The following BRINP1 variants were observed in gnomAD, a reference collection of about 807,000 sequenced individuals.
BRINP1 encodes BMP/retinoic acid-inducible neural-specific protein 1.
A neutral mutation model predicts 72.9 loss-of-function variants in BRINP1; 17 were observed. The ratio of observed to expected loss-of-function variants is 0.23; its 90% CI spans 0.16 to 0.35. BRINP1 has a LOEUF of 0.35. Among genes scored for constraint, BRINP1 ranks in the 10% least tolerant of loss-of-function variants. The pLI is 1.00. For synonymous variants in BRINP1, 418 were observed against 378.5 expected, an observed-to-expected ratio of 1.10 and a Z score of -1.21; for missense variants, 850 against 1,001.6, an observed-to-expected ratio of 0.85 and a Z score of 2.04.
rs537123226 is a variant in BRINP1 at position 119,263,708 on chromosome 9, C to T, written c.219-14558G>A. Among the ~76,000 whole-genome samples the T allele has an allele frequency of 3.1e-3, 414 of 133,054 alleles. 2 individuals carry two copies. Among genetic ancestry groups the T allele is most frequent in the African/African-American group, 0.011 (392 of 36,226 alleles). 87.3% of individuals were successfully genotyped at this position (133,054 alleles called of 152,430 possible). Reference sequence around the variant, plus strand: ...CTGCAAACTCCGCCTCCTGGGTTCACGCCATTCTCCTGCCTCAGCCTCCCA... The same window carrying T: ...CTGCAAACTCCGCCTCCTGGGTTCATGCCATTCTCCTGCCTCAGCCTCCCA... On this transcript the variant is annotated intron_variant, in intron 2 of 7. Coordinates refer to ENST00000265922, the MANE Select transcript of BRINP1 (RefSeq NM_014618.3).
intron 2 of BRINP1, chr9:119,283,133 T>G (rs920479831): frequency 1.0e-6 from 1 of 984,918 alleles, no homozygotes; most frequent in Non-Finnish European, 1.2e-6. Context: ...TCTCACCGGC[T>G]GTGGTTGTAA....
chr9:119,289,873 A>C (rs1300719389), intron 2 of BRINP1, among the ~76,000 whole-genome samples: 1 of 152,228 alleles, frequency 6.6e-6, no homozygotes, highest in Non-Finnish European at 1.5e-5. Context: ...ATTTCTCGGA[A>C]GATGCACGAC....
chr9:119,269,219 C>G (rs1433465363), intron 2 of BRINP1, among the ~76,000 whole-genome samples: 1 of 152,138 alleles, frequency 6.6e-6, no homozygotes, highest in Non-Finnish European at 1.5e-5. Flanking sequence ...TCTCATGACC[C>G]TAAATCACTA....
chr9:119,317,766 C>T (rs1831140166), intron 1 of BRINP1, among the ~76,000 whole-genome samples: 1 of 152,208 alleles, frequency 6.6e-6, no homozygotes, highest in Non-Finnish European at 1.5e-5. Flanking sequence ...AACCTGACCA[C>T]CCTGATCAGT....
At chr9:119,168,251 GGTTAGCTACC>G in intron 7 of BRINP1, 27 bp from the exon 8 acceptor site, 1 of 1,476,112 alleles carries the variant, frequency 6.8e-7, no homozygotes, top group Non-Finnish European at 9.0e-7. Context: ...AATTGGAGAA[GGTTAGCTACC>G]ATGAGTGGGT....
chr9:119,202,979 G>C (rs1238989345), intron 7 of BRINP1, among the ~76,000 whole-genome samples: 1 of 152,066 alleles, frequency 6.6e-6, no homozygotes, highest in African/African-American at 2.4e-5. Context: ...GTCTTTCTGG[G>C]TTTCTGCTTG....
intron 2 of BRINP1, among the ~76,000 whole-genome samples, chr9:119,270,729 G>A (rs920224080): frequency 1.3e-5 from 2 of 152,152 alleles, no homozygotes; most frequent in African/African-American, 2.4e-5. Flanking sequence ...ACATCCAAGC[G>A]GACATGTCCA....
chr9:119,361,159 A>T (rs1003246778), intron 1 of BRINP1, among the ~76,000 whole-genome samples: 2 of 152,170 alleles, frequency 1.3e-5, no homozygotes, highest in Non-Finnish European at 1.5e-5. Flanking sequence ...TCTCATACCC[A>T]GTCTCATTCA....
Position 119,358,216 on chromosome 9 carries a change from T to G in BRINP1, c.-51+10840A>C, listed in dbSNP as rs566957021. 2.0e-5 allele frequency among the ~76,000 whole-genome samples: 3 copies of G among 152,192 alleles called. No homozygotes were observed. In the South Asian group the frequency reaches 6.2e-4, roughly 32 times the overall value. Reference sequence around the variant, plus strand: ...TAAGAAGGAGGTTGATAAACACAGTTCACACAAGAGCATCCATCATGCTGT... The same window carrying G: ...TAAGAAGGAGGTTGATAAACACAGTGCACACAAGAGCATCCATCATGCTGT... On this transcript the variant is annotated intron_variant, in intron 1 of 7. Transcript: ENST00000265922.
intron 5 of BRINP1, among the ~76,000 whole-genome samples, chr9:119,232,267 G>C (rs1830155442): frequency 6.6e-6 from 1 of 152,154 alleles, no homozygotes; most frequent in Non-Finnish European, 1.5e-5. Flanking sequence ...CATTGCAACT[G>C]TCATGATCTA....
chr9:119,177,468 G>C (rs951506425), intron 7 of BRINP1, among the ~76,000 whole-genome samples: 1 of 152,176 alleles, frequency 6.6e-6, no homozygotes, highest in Non-Finnish European at 1.5e-5. Context: ...CATCTGACGA[G>C]AGCGTCATTT....
chr9:119,204,245 C>T (rs1042477037), intron 7 of BRINP1, among the ~76,000 whole-genome samples: 1 of 152,082 alleles, frequency 6.6e-6, no homozygotes, highest in Admixed American at 6.6e-5. Flanking sequence ...TCAGCTGTAC[C>T]AAGTCAACAT....
chr9:119,346,268 T>C (rs1438986202), intron 1 of BRINP1, among the ~76,000 whole-genome samples: 1 of 152,196 alleles, frequency 6.6e-6, no homozygotes, highest in East Asian at 1.9e-4. Context: ...TAGTCTGTAC[T>C]CAAATGTGAA....
At chr9:119,202,739 T>C (rs943212041) in intron 7 of BRINP1, among the ~76,000 whole-genome samples, 1 of 152,084 alleles carries the variant, frequency 6.6e-6, no homozygotes, top group Non-Finnish European at 1.5e-5. Context: ...GAACCTAATA[T>C]ATAATGACTA....
At chr9:119,196,423 C>A (rs1829738801) in intron 7 of BRINP1, among the ~76,000 whole-genome samples, 1 of 152,174 alleles carries the variant, frequency 6.6e-6, no homozygotes, top group African/African-American at 2.4e-5. Flanking sequence ...TTCTCCAATT[C>A]ATCTTTCTAA....
chr9:119,306,684 C>A (rs1831000860), intron 2 of BRINP1, among the ~76,000 whole-genome samples: 1 of 152,178 alleles, frequency 6.6e-6, no homozygotes, highest in African/African-American at 2.4e-5. Context: ...ATACTGTAGT[C>A]AGAGTCAAAA....
intron 7 of BRINP1, among the ~76,000 whole-genome samples, chr9:119,168,933 A>AAGGAGCTACAATGAGAAATACCATT (rs1436371119): frequency 8.5e-5 from 13 of 152,324 alleles, no homozygotes; most frequent in African/African-American, 3.1e-4. Context: ...GCGATTCCTC[A>AAGGAGCTACAATGAGAAATACCATT]AGGAGCTACA....
intron 7 of BRINP1, among the ~76,000 whole-genome samples, chr9:119,168,925 G>A (rs776336934): frequency 6.6e-6 from 1 of 152,122 alleles, no homozygotes; most frequent in Non-Finnish European, 1.5e-5. Context: ...ACAGTGTGGC[G>A]ATTCCTCAAG....
At chr9:119,240,727 C>T (rs953842838) in intron 4 of BRINP1, among the ~76,000 whole-genome samples, 6 of 152,190 alleles carry the variant, frequency 3.9e-5, no homozygotes, top group African/African-American at 1.4e-4. Context: ...CTTACTACCT[C>T]CCTGCTCAGT....
Sources: gnomAD v4.1 joint callset for allele counts (sites outside exome capture counted in the v4.1 genomes callset) on GRCh38, gnomAD v4.1.1 for gene constraint, MANE v1.5 for transcripts, NCBI Gene and HGNC (gene_info 2026-07-23, HGNC 2026-07-21) for gene names.